The following CEP350 variants were observed in gnomAD, a reference collection of about 807,000 sequenced individuals.
The protein encoded by CEP350 is centrosomal protein 350, also known as centrosome-associated protein 350.
Under a neutral mutation model 331.8 loss-of-function variants are expected in CEP350, and 126 were observed. The observed-to-expected ratio is 0.38, with a 90% CI of 0.33 to 0.44. The LOEUF (loss-of-function observed/expected upper bound fraction) is 0.44. Ranked by LOEUF, CEP350 falls within the 20% of genes least tolerant of loss-of-function variation. CEP350 has a pLI of 1.00. For missense variants in CEP350, 3,406 were observed against 3,634.6 expected (o/e 0.94, Z 1.62); for synonymous variants, 1,200 against 1,259.5 (o/e 0.95, Z 1.00).
intron 21 of CEP350, among the ~76,000 whole-genome samples, chr1:180,045,871 T>C (rs987155784): frequency 1.3e-5 from 2 of 152,206 alleles, no homozygotes; most frequent in African/African-American, 4.8e-5. Context: ...TTGGTCCATC[T>C]CTAGCCCCAT....
chr1:180,019,503 CAT>C (rs1655180534), intron 11 of CEP350, among the ~76,000 whole-genome samples: 1 of 152,048 alleles, frequency 6.6e-6, no homozygotes, highest in Non-Finnish European at 1.5e-5. Flanking sequence ...TAATCTATAT[CAT>C]GTCTACATTA....
chr1:180,044,261 G>C (rs1656968646), intron 21 of CEP350, 88 bp downstream of exon 21: 14 of 1,314,948 alleles, frequency 1.1e-5, no homozygotes, highest in Non-Finnish European at 1.4e-5. Flanking sequence ...TCTTAATCTT[G>C]TTTATTTAAA....
Position 179,971,779 on chromosome 1 carries a change from G to C in CEP350, c.-13-14390G>C, listed in dbSNP as rs762328993. Reference sequence around the variant, plus strand: ...CTTCTGTTTGCATTCAGTCTGCTGTGATATCATATGTCATGTGGCCTTTGG... The same window carrying C: ...CTTCTGTTTGCATTCAGTCTGCTGTCATATCATATGTCATGTGGCCTTTGG... On this transcript the variant is annotated intron_variant, in intron 1 of 37. Coordinates refer to ENST00000367607, the MANE Select transcript of CEP350 (RefSeq NM_014810.5). Among the ~76,000 whole-genome samples the C allele has an allele frequency of 4.6e-5, 7 of 152,258 alleles. No homozygotes were observed. In the Middle Eastern group the frequency reaches 0.024, roughly 518 times the overall value.
intron 1 of CEP350, among the ~76,000 whole-genome samples, chr1:179,965,808 T>C (rs1650973251): frequency 6.6e-6 from 1 of 151,910 alleles, no homozygotes; most frequent in Admixed American, 6.6e-5. Flanking sequence ...GTACTTTTAG[T>C]AGAGACGGGG....
intron 11 of CEP350, 106 bp from the exon 12 acceptor site, chr1:180,019,843 C>CT (rs1024384761): frequency 3.4e-6 from 3 of 890,206 alleles, no homozygotes; most frequent in Non-Finnish European, 4.8e-6. Context: ...TTTATCTGTC[C>CT]TTTTTTTGTT....
At chr1:180,050,098 C>T (rs909387014) in intron 22 of CEP350, among the ~76,000 whole-genome samples, 1 of 152,044 alleles carries the variant, frequency 6.6e-6, no homozygotes, top group Admixed American at 6.5e-5. Flanking sequence ...AGCCACTATC[C>T]AAAGAAACCA....
At chr1:180,039,624 C>G (rs1291723384) in intron 17 of CEP350, among the ~76,000 whole-genome samples, 1 of 151,948 alleles carries the variant, frequency 6.6e-6, no homozygotes, top group African/African-American at 2.4e-5. Flanking sequence ...ATCTATTCAT[C>G]TATCTGTAAT....
At chr1:180,090,624 GAA>G (rs1660139850) in intron 32 of CEP350, 88 bp from the exon 33 acceptor site, 1 of 1,068,984 alleles carries the variant, frequency 9.4e-7, no homozygotes, top group African/African-American at 1.6e-5. Flanking sequence ...TAGAGAAGAG[GAA>G]AGAAGCAGTT....
chr1:179,969,883 T>G (rs191487630), intron 1 of CEP350, among the ~76,000 whole-genome samples: 1 of 152,218 alleles, frequency 6.6e-6, no homozygotes, highest in African/African-American at 2.4e-5. Context: ...CACTTTCTTA[T>G]GTATAAGGGA....
chr1:180,094,003 T>G lies in CEP350; in HGVS notation c.7898T>G (p.Leu2633Arg). 1 of 1,613,818 alleles carries G rather than the reference T, an allele frequency of 6.2e-7. No homozygotes were observed. The highest frequency in any genetic ancestry group is 8.5e-7 in the Non-Finnish European group (1 of 1,179,806). The change falls in exon 34 of 38, where the codon CTT becomes CGT. Residue 2633 changes from leucine to arginine, a missense_variant. By Grantham distance (102) the Leu-to-Arg change is moderately radical. Around this residue, in one of 5 missense-constraint regions of CEP350, gnomAD observed 1,415 missense variants for 1,512.3 expected, o/e 0.94. Coordinates refer to ENST00000367607, the MANE Select transcript of CEP350 (RefSeq NM_014810.5). ...GCCTCAGTTAATAGAAGTAGAAGCC[T>G]TAAAATAGAAACAGACAATGTACAG... is the stretch of plus-strand genomic sequence containing the variant. ...IEASVNRSRS[L>R]KIETDNVQDI...
At chr1:180,078,149 A>G (rs1377627835) in intron 28 of CEP350, among the ~76,000 whole-genome samples, 1 of 152,164 alleles carries the variant, frequency 6.6e-6, no homozygotes, top group Non-Finnish European at 1.5e-5. Flanking sequence ...AAAAAAAATT[A>G]CATGAAAGAA....
intron 27 of CEP350, among the ~76,000 whole-genome samples, chr1:180,072,305 G>A (rs1169377388): frequency 6.6e-6 from 1 of 152,054 alleles, no homozygotes; most frequent in Non-Finnish European, 1.5e-5. Context: ...ATTGGTCTCT[G>A]TGTTGGGCTA....
chr1:180,089,738 G>A (rs571483863), intron 32 of CEP350, among the ~76,000 whole-genome samples: 4 of 152,246 alleles, frequency 2.6e-5, no homozygotes, highest in African/African-American at 9.6e-5. Context: ...TTATGATTTT[G>A]GTTTTAAGTG....
rs751814337 is a variant in CEP350, at chr1:179,996,774, T to G, written c.617T>G (p.Leu206Trp). The G allele has an allele frequency of 3.7e-6, 6 of 1,613,632 alleles. No individual in the cohort carries two copies. The Admixed American group carries it at 1.0e-4, about 27-fold the overall frequency. Residue 206 changes from leucine to tryptophan, a missense_variant, in exon 6 of 38, where the codon TTG (leucine) becomes TGG (tryptophan). This residue lies in a region of CEP350 where 1,857 missense variants were observed against 1,909.2 expected (regional missense o/e 0.97). Transcript: ENST00000367607. ...AATGATCGACCAGCAATTGATGCAT[T>G]GCAAAATTCTGAATGTTTGATTAGG... ...FLNDRPAIDALQNSECLIRMG... is the reference protein window; with the variant it reads ...FLNDRPAIDAWQNSECLIRMG...
intron 1 of CEP350, among the ~76,000 whole-genome samples, chr1:179,983,102 T>C (rs1031784607): frequency 5.3e-5 from 8 of 151,874 alleles, no homozygotes; most frequent in African/African-American, 1.9e-4. Flanking sequence ...ATGAGTTAAT[T>C]TCTTAAACTG....
intron 10 of CEP350, among the ~76,000 whole-genome samples, chr1:180,015,210 G>GTTTATTTA (rs112553202): frequency 0.03 from 4,248 of 143,506 alleles, 90 homozygotes; most frequent in African/African-American, 0.043. Flanking sequence ...CTAGGAAATT[G>GTTTATTTA]TTTATTTATT....
intron 1 of CEP350, chr1:179,969,532 TA>T (rs1362917508): frequency 5.1e-6 from 2 of 393,134 alleles, no homozygotes; most frequent in Non-Finnish European, 5.0e-6. Flanking sequence ...CATGGACTCT[TA>T]AGCAACATGG....
intron 1 of CEP350, among the ~76,000 whole-genome samples, chr1:179,960,831 G>A (rs1650553266): frequency 6.6e-6 from 1 of 152,008 alleles, no homozygotes; most frequent in Admixed American, 6.6e-5. Context: ...CTGCTACTAA[G>A]TTGGTAGGCT....
intron 28 of CEP350, among the ~76,000 whole-genome samples, chr1:180,077,671 T>TAAAAAAAAA (rs3067269): frequency 5.1e-5 from 5 of 97,214 alleles, no homozygotes; most frequent in Non-Finnish European, 9.2e-5. Flanking sequence ...TCTCAAAAAG[T>TAAAAAAAAA]AAAAAAAAAA....
Sources: gnomAD v4.1 joint callset for allele counts (sites outside exome capture counted in the v4.1 genomes callset) on GRCh38, gnomAD v4.1.1 for gene constraint, gnomAD v4.1.1 regional missense constraint, MANE v1.5 for transcripts, NCBI Gene and HGNC (gene_info 2026-07-23, HGNC 2026-07-21) for gene names.